MMAA: variants seen among roughly 807,000 people sequenced by gnomAD.
MMAA encodes metabolism of cobalamin associated A, also known as methylmalonic aciduria type A protein, mitochondrial.
Under a neutral mutation model 45.0 loss-of-function variants are expected in MMAA, and 41 were observed. The ratio of observed to expected loss-of-function variants is 0.91; its 90% CI spans 0.71 to 1.18. The LOEUF (loss-of-function observed/expected upper bound fraction) is 1.18. Ranked by LOEUF, MMAA falls within the 50% of genes most tolerant of loss-of-function variation. MMAA has a pLI of 0.00. For synonymous variants in MMAA, 154 were observed against 178.2 expected (o/e 0.86, Z 1.08); for missense variants, 460 against 495.7 (o/e 0.93, Z 0.68).
rs1323936060 is a variant in MMAA, at chr4:145,624,278, C to T, written c.-66+4871C>T. The T allele has an allele frequency of 1.3e-5, 10 of 797,052 alleles. No individual in the cohort carries two copies. The Admixed American group carries it at 1.5e-4, about 12-fold the overall frequency. The allele number at this position is 797,052 out of a possible 1,614,324, so 49.4% of individuals were successfully genotyped here. ...TGGTCTGGGGGGAAGTTATATTCCT[C>T]CTGTAGAGGTGAATTAAGTAATACT... On this transcript the variant is annotated intron_variant, in intron 1 of 6. Transcript: ENST00000649156.
intron 2 of MMAA, among the ~76,000 whole-genome samples, chr4:145,640,663 T>C (rs1295431971): frequency 6.6e-6 from 1 of 152,252 alleles, no homozygotes; most frequent in Non-Finnish European, 1.5e-5. Flanking sequence ...CCTATCAAAA[T>C]GTACTTTAAG....
chr4:145,635,801 A>G (rs1560794174), intron 1 of MMAA, among the ~76,000 whole-genome samples: 1 of 152,218 alleles, frequency 6.6e-6, no homozygotes, highest in Non-Finnish European at 1.5e-5. Context: ...TCCTCATGCC[A>G]CCAGCATCAC....
At chr4:145,647,189 C>T (rs1389117014) in intron 4 of MMAA, among the ~76,000 whole-genome samples, 1 of 151,910 alleles carries the variant, frequency 6.6e-6, no homozygotes, top group African/African-American at 2.4e-5. Context: ...GATAAATGGG[C>T]AGGATTTTAT....
At chr4:145,624,095 A>G (rs1734146511) in intron 1 of MMAA, 1 of 996,390 alleles carries the variant, frequency 1.0e-6, no homozygotes, top group Non-Finnish European at 1.6e-6. Flanking sequence ...TTGGCAAGCC[A>G]CAGTCACTCA....
rs1258704306 is a variant in MMAA at position 145,656,426 on chromosome 4, A to G, written c.*992A>G. Reference sequence around the variant, plus strand: ...TTAAGCTTCCATTTCCTCCCTGGTAAAATGAAATTGGCAAATAACTTTCTA... The same window carrying G: ...TTAAGCTTCCATTTCCTCCCTGGTAGAATGAAATTGGCAAATAACTTTCTA... On this transcript the variant is annotated 3_prime_UTR_variant, in exon 7 of 7. Coordinates refer to ENST00000649156, the MANE Select transcript of MMAA (RefSeq NM_172250.3). 6.6e-6 allele frequency: 1 copy of G among 152,164 alleles called. No individual in the cohort carries two copies. The highest frequency in any genetic ancestry group is 2.4e-5 in the African/African-American group (1 of 41,446). The allele number at this position is 152,164 out of a possible 1,614,324, so 9.4% of individuals were successfully genotyped here.
At chr4:145,633,190 C>CTTTATCTTTTTTTTTTTTTTT (rs1435430308) in intron 1 of MMAA, among the ~76,000 whole-genome samples, 1 of 106,896 alleles carries the variant, frequency 9.4e-6, no homozygotes. Context: ...TCTTGAATTT[C>CTTTATCTTTTTTTTTTTTTTT]TTTTTCTTTT....
intron 4 of MMAA, among the ~76,000 whole-genome samples, chr4:145,647,289 T>C (rs1303543174): frequency 6.6e-6 from 1 of 152,176 alleles, no homozygotes; most frequent in African/African-American, 2.4e-5. Context: ...AGGAAAACAA[T>C]GAGTTCAGTT....
intron 6 of MMAA, 78 bp from the exon 7 acceptor site, chr4:145,655,069 C>G: frequency 6.7e-7 from 1 of 1,490,676 alleles, no homozygotes; most frequent in Non-Finnish European, 9.3e-7. Context: ...TAAGAATTAA[C>G]TGGCAGGTAT....
intron 2 of MMAA, among the ~76,000 whole-genome samples, chr4:145,641,254 G>C (rs1446945876): frequency 6.6e-6 from 1 of 152,202 alleles, no homozygotes; most frequent in East Asian, 1.9e-4. Flanking sequence ...TAGAGAATCT[G>C]TGAAAAAATG....
At chr4:145,648,340 G>A (rs1330763002) in intron 4 of MMAA, among the ~76,000 whole-genome samples, 2 of 151,816 alleles carry the variant, frequency 1.3e-5, no homozygotes. Context: ...TAGAGACGGG[G>A]TTTCACCATA....
chr4:145,653,895 G>C, intron 5 of MMAA, 99 bp from the exon 6 acceptor site: 1 of 1,288,474 alleles, frequency 7.8e-7, no homozygotes, highest in Non-Finnish European at 1.1e-6. Context: ...GGAGGATATG[G>C]ATGAAAAGTT....
Position 145,642,480 on chromosome 4 carries a change from G to A in MMAA, c.557G>A (p.Ser186Asn). The A allele has an allele frequency of 6.2e-7, 1 of 1,614,128 alleles. No individual in the cohort carries two copies. Among genetic ancestry groups the A allele is most frequent in the Non-Finnish European group, 8.5e-7 (1 of 1,180,006 alleles). The change falls in exon 3 of 7, where the codon AGT becomes AAT. Residue 186 changes from serine to asparagine, a missense_variant. Physicochemically the swap from Ser to Asn is conservative, Grantham distance 46. Transcript: ENST00000649156. ...GCTGTGGACCCTTCTTCTTGTACTAGTGGTGGTAAGTATGGCTGATTCTTT... is the reference window on the plus strand; with the variant it reads ...GCTGTGGACCCTTCTTCTTGTACTAATGGTGGTAAGTATGGCTGATTCTTT... ...VLAVDPSSCTSGGSLLGDKTR... is the reference protein window; with the variant it reads ...VLAVDPSSCTNGGSLLGDKTR...
intron 1 of MMAA, among the ~76,000 whole-genome samples, chr4:145,632,306 C>G (rs1350292488): frequency 6.6e-6 from 1 of 152,202 alleles, no homozygotes; most frequent in East Asian, 1.9e-4. Context: ...CCCTTCAGCA[C>G]TTTAAGTAGG....
rs756275016 is a variant in MMAA at position 145,651,053 on chromosome 4, C to T, written c.734-9C>T. 1 of 1,613,360 alleles carries T rather than the reference C, an allele frequency of 6.2e-7. No homozygotes were observed. The highest frequency in any genetic ancestry group is 1.7e-5 in the Admixed American group (1 of 60,026). On this transcript the variant is annotated splice_polypyrimidine_tract_variant and intron_variant, in intron 4 of 6. Transcript: ENST00000649156. Reference sequence around the variant, plus strand: ...TATTTTAGGATATAGTTGTGATTTACAATTTCAGGTGTGGGTCAGTCGGAG... The same window carrying T: ...TATTTTAGGATATAGTTGTGATTTATAATTTCAGGTGTGGGTCAGTCGGAG...
At chr4:145,632,417 G>C (rs1176299422) in intron 1 of MMAA, among the ~76,000 whole-genome samples, 1 of 152,068 alleles carries the variant, frequency 6.6e-6, no homozygotes, top group Non-Finnish European at 1.5e-5. Context: ...TTCTTGTGCT[G>C]CTTTTAGGAT....
rs1560800957 is a variant in MMAA at position 145,650,794 on chromosome 4, T to C, written c.734-268T>C. ...GATGAAAAGGAAGCCAAGAAAGAGC[T>C]GTGAGAGTGAGGAGAGGATGGAAGC... On this transcript the variant is annotated intron_variant, in intron 4 of 6. Coordinates refer to ENST00000649156, the MANE Select transcript of MMAA (RefSeq NM_172250.3). The C allele has an allele frequency of 1.2e-5, 6 of 481,090 alleles. No individual in the cohort carries two copies. The East Asian group carries it at 2.2e-4, about 18-fold the overall frequency. The allele number at this position is 481,090 out of a possible 1,614,324, so 29.8% of individuals were successfully genotyped here.
Position 145,646,202 on chromosome 4 carries a change from G to C in MMAA, c.733+46G>C, listed in dbSNP as rs181243452. The C allele has an allele frequency of 1.9e-6, 3 of 1,605,994 alleles. No individual in the cohort carries two copies. The South Asian group carries it at 3.3e-5, about 18-fold the overall frequency. ...CATAACAATGTACTATTTTATGAAT[G>C]CTATATAAAGATGAGTGACAACTTA... On this transcript the variant is annotated intron_variant, in intron 4 of 6. Coordinates refer to ENST00000649156, the MANE Select transcript of MMAA (RefSeq NM_172250.3).
At chr4:145,627,057 A>G (rs1486642367) in intron 1 of MMAA, among the ~76,000 whole-genome samples, 3 of 152,226 alleles carry the variant, frequency 2.0e-5, no homozygotes, top group Admixed American at 1.3e-4. Context: ...GAGAACTGCA[A>G]TCCCAATTGT....
intron 2 of MMAA, among the ~76,000 whole-genome samples, chr4:145,641,570 T>A (rs1427101117): frequency 6.6e-6 from 1 of 152,266 alleles, no homozygotes; most frequent in Non-Finnish European, 1.5e-5. Flanking sequence ...ATGTCTCTTA[T>A]GCCATGCACT....
Sources: allele counts gnomAD v4.1 joint callset (sites outside exome capture counted in the v4.1 genomes callset), GRCh38; gene constraint gnomAD v4.1.1; transcripts MANE v1.5; gene names NCBI Gene and HGNC (gene_info 2026-07-23, HGNC 2026-07-21).